Variants in AGBL1 observed in about 807,000 individuals in gnomAD.
AGBL1 encodes the protein cytosolic carboxypeptidase 4.
AGBL1 carries 130 observed loss-of-function variants against 118.9 expected under a neutral mutation model. The ratio of observed to expected loss-of-function variants is 1.09; its 90% CI spans 0.95 to 1.26. The LOEUF is 1.26. Among genes scored for constraint, AGBL1 ranks in the 50% most tolerant of loss-of-function variants. The pLI is 0.00. For missense variants in AGBL1, 1,584 were observed against 1,298.1 expected, an observed-to-expected ratio of 1.22 and a Z score of -3.38; for synonymous variants, 555 against 478.9, an observed-to-expected ratio of 1.16 and a Z score of -2.08.
chr15:86,291,391 C>G (rs2079543101), intron 16 of AGBL1, among the ~76,000 whole-genome samples: 1 of 148,750 alleles, frequency 6.7e-6, no homozygotes, highest in African/African-American at 2.6e-5. Flanking sequence ...CATACACACA[C>G]ACACCACACA....
At chr15:86,849,517 C>CTTTTTTTTTTTTTTTTTTT (rs68185029) in intron 22 of AGBL1, among the ~76,000 whole-genome samples, 6 of 136,792 alleles carry the variant, frequency 4.4e-5, no homozygotes, top group Non-Finnish European at 7.8e-5. Context: ...TTCTTTCTTT[C>CTTTTTTTTTTTTTTTTTTT]TTTTTTTTTT....
intron 24 of AGBL1, among the ~76,000 whole-genome samples, chr15:86,989,846 A>G (rs1463296754): frequency 6.6e-6 from 1 of 152,228 alleles, no homozygotes; most frequent in Admixed American, 6.5e-5. Flanking sequence ...CACATGCAGG[A>G]AGCACTTTCC....
chr15:87,022,753 C>T (rs2141805903), intron 24 of AGBL1, among the ~76,000 whole-genome samples: 1 of 152,190 alleles, frequency 6.6e-6, no homozygotes, highest in South Asian at 2.1e-4. Flanking sequence ...AGATTAACAG[C>T]AGATTTCTCA....
At chr15:86,255,490 G>C (rs1020978938) in intron 7 of AGBL1, among the ~76,000 whole-genome samples, 1 of 152,146 alleles carries the variant, frequency 6.6e-6, no homozygotes, top group Non-Finnish European at 1.5e-5. Context: ...TTGAAAGCTG[G>C]CTTACTTAAG....
At chr15:87,028,736 TA>T in intron 24 of AGBL1, 2 of 1,250,030 alleles carry the variant, frequency 1.6e-6, no homozygotes, top group Non-Finnish European at 1.2e-6. Flanking sequence ...TTCGTATCTC[TA>T]AAAGGTCAAT....
chr15:86,875,575 T>C (rs2079795452), intron 22 of AGBL1, among the ~76,000 whole-genome samples: 2 of 152,198 alleles, frequency 1.3e-5, no homozygotes, highest in Admixed American at 1.3e-4. Context: ...AGCCATAATA[T>C]TAAAGATACA....
rs567146266 is a variant in AGBL1 at position 86,738,587 on chromosome 15, ACT to A, written c.3158+64156_3158+64157del. 9.7e-3 allele frequency among the ~76,000 whole-genome samples: 1,480 copies of A among 152,216 alleles called. 13 individuals are homozygous for A. Among genetic ancestry groups the A allele is most frequent in the Non-Finnish European group, 0.016 (1,068 of 68,008 alleles). On this transcript the variant is annotated intron_variant, in intron 22 of 22. Coordinates refer to ENST00000614907, the MANE Select transcript of AGBL1 (RefSeq NM_001386094.1). The stretch of plus-strand genomic sequence containing the variant: ...ATTTTTAACTACATGGGTTTTTCTG[ACT>A]CTCTTCATCCGTTACGCATTATTGT...
intron 22 of AGBL1, among the ~76,000 whole-genome samples, chr15:86,787,992 G>T (rs777135255): frequency 6.6e-5 from 10 of 152,000 alleles, no homozygotes; most frequent in Non-Finnish European, 8.8e-5. Flanking sequence ...CTTTTTGAAG[G>T]CCACCTTCTT....
At chr15:86,348,174 G>C (rs529713788) in intron 17 of AGBL1, among the ~76,000 whole-genome samples, 2 of 152,246 alleles carry the variant, frequency 1.3e-5, no homozygotes, top group Admixed American at 1.3e-4. Flanking sequence ...GGAACTTGCC[G>C]AGAAGTGGGA....
intron 21 of AGBL1, among the ~76,000 whole-genome samples, chr15:86,668,101 G>A (rs536814807): frequency 1.3e-5 from 2 of 152,052 alleles, no homozygotes; most frequent in East Asian, 1.9e-4. Context: ...CAATTCACTC[G>A]TTCCCATGGG....
At chr15:86,470,218 G>A (rs553525191) in intron 18 of AGBL1, among the ~76,000 whole-genome samples, 1 of 152,114 alleles carries the variant, frequency 6.6e-6, no homozygotes, top group Non-Finnish European at 1.5e-5. Flanking sequence ...TGGATTTTAA[G>A]TGATTAATTT....
At chr15:86,253,176 T>A (rs1332403456) in intron 7 of AGBL1, among the ~76,000 whole-genome samples, 1 of 151,896 alleles carries the variant, frequency 6.6e-6, no homozygotes, top group Non-Finnish European at 1.5e-5. Flanking sequence ...TGAGTTGGAG[T>A]CATGGGCAGT....
At chr15:86,592,884 A>G (rs1186037185) in intron 21 of AGBL1, among the ~76,000 whole-genome samples, 2 of 152,138 alleles carry the variant, frequency 1.3e-5, no homozygotes, top group African/African-American at 4.8e-5. Context: ...GGGGTGCGGG[A>G]CCATCTCCTG....
intron 22 of AGBL1, among the ~76,000 whole-genome samples, chr15:86,708,183 T>G (rs1041576994): frequency 1.3e-5 from 2 of 152,124 alleles, no homozygotes; most frequent in Admixed American, 1.3e-4. Context: ...GGGGTTAAAG[T>G]TGAAGCCAAT....
chr15:86,682,240 A>G (rs9783728), intron 22 of AGBL1, among the ~76,000 whole-genome samples: 1 of 152,170 alleles, frequency 6.6e-6, no homozygotes, highest in African/African-American at 2.4e-5. Context: ...ATCCTGCTTT[A>G]AAACATTAAA....
chr15:86,166,477 A>G (rs1036545384), intron 5 of AGBL1, among the ~76,000 whole-genome samples: 8 of 152,090 alleles, frequency 5.3e-5, no homozygotes, highest in Non-Finnish European at 1.2e-4. Flanking sequence ...GCGACCCTAC[A>G]CTTTGGAGAG....
chr15:86,519,468 G>A (rs2083160102), intron 18 of AGBL1, among the ~76,000 whole-genome samples: 1 of 152,198 alleles, frequency 6.6e-6, no homozygotes, highest in Non-Finnish European at 1.5e-5. Flanking sequence ...TCCCTGGGAA[G>A]AGCAGCAACA....
intron 21 of AGBL1, among the ~76,000 whole-genome samples, chr15:86,576,331 C>T (rs557349550): frequency 6.6e-6 from 1 of 151,856 alleles, no homozygotes. Context: ...GGGCAGCCTC[C>T]AAACCAGAAT....
chr15:86,974,586 A>G (rs2081153397), intron 23 of AGBL1, among the ~76,000 whole-genome samples: 3 of 139,610 alleles, frequency 2.1e-5, no homozygotes, highest in East Asian at 4.0e-4. Context: ...AAATATATAA[A>G]AATTATATAT....
Sources: allele counts gnomAD v4.1 joint callset (sites outside exome capture counted in the v4.1 genomes callset), GRCh38; gene constraint gnomAD v4.1.1; transcripts MANE v1.5; gene names NCBI Gene and HGNC (gene_info 2026-07-23, HGNC 2026-07-21).